The following NFIC variants were observed in gnomAD, a reference collection of about 807,000 sequenced individuals.
NFIC encodes the protein nuclear factor 1 C-type.
A neutral mutation model predicts 54.4 loss-of-function variants in NFIC; 12 were observed. The observed-to-expected ratio is 0.22, with a 90% CI of 0.14 to 0.36. The LOEUF is 0.36. Ranked by LOEUF, NFIC falls within the 10% of genes least tolerant of loss-of-function variation. NFIC has a pLI of 1.00. For missense variants in NFIC, 575 were observed against 718.2 expected (o/e 0.80, Z 2.28); for synonymous variants, 322 against 319.2 (o/e 1.01, Z -0.09).
chr19:3,363,243 A>G (rs57555537), upstream of NFIC, among the ~76,000 whole-genome samples: 31,757 of 65,618 alleles, frequency 0.48, 7,070 homozygotes, highest in African/African-American at 0.55. Flanking sequence ...ATGTGTGTGT[A>G]TATATATATA....
Position 3,464,193 on chromosome 19 carries a change from GC to G in NFIC, c.*1425del, listed in dbSNP as rs1474809306. 3.0e-6 allele frequency: 3 copies of G among 985,380 alleles called. No individual in the cohort carries two copies. The highest frequency in any genetic ancestry group is 5.2e-4 in the Middle Eastern group (1 of 1,914). The allele number at this position is 985,380 out of a possible 1,614,324, so 61.0% of individuals were successfully genotyped here. A position where few individuals can be genotyped will look rare whatever the true frequency, so the allele number is the denominator to read the frequency against. On this transcript the variant is annotated 3_prime_UTR_variant, in exon 11 of 11. Transcript: ENST00000443272. ...ATCGCCTACCCCGACGCGGGGCCCA[GC>G]TGCGGGACGTGCATCACGGCTGGGC...
chr19:3,463,575 G>T lies in NFIC; in HGVS notation c.*806G>T. The T allele has an allele frequency of 1.0e-6, 1 of 984,110 alleles. No homozygotes were observed. Among genetic ancestry groups the T allele is most frequent in the Non-Finnish European group, 1.2e-6 (1 of 829,502 alleles). The allele number at this position is 984,110 out of a possible 1,614,324, so 61.0% of individuals were successfully genotyped here. On this transcript the variant is annotated 3_prime_UTR_variant, in exon 11 of 11. Coordinates refer to ENST00000443272, the MANE Select transcript of NFIC (RefSeq NM_001245002.2). Reference sequence around the variant, plus strand: ...CTCGCTGGGGACTCTTTCAGCCCTCGCGCCCGCCCGTTTGGGAGGAGAAGT... The same window carrying T: ...CTCGCTGGGGACTCTTTCAGCCCTCTCGCCCGCCCGTTTGGGAGGAGAAGT...
Position 3,464,580 on chromosome 19 carries a change from C to T in NFIC, c.*1811C>T. On this transcript the variant is annotated 3_prime_UTR_variant, in exon 11 of 11. Transcript: ENST00000443272. Reference sequence around the variant, plus strand: ...CATGCCTAGGGAAAAACTCCCCCCACCACTGCCCCCTCCCCCGACCCAGGC... The same window carrying T: ...CATGCCTAGGGAAAAACTCCCCCCATCACTGCCCCCTCCCCCGACCCAGGC... The T allele has an allele frequency of 1.0e-6, 1 of 963,758 alleles. No homozygotes were observed. Among genetic ancestry groups the T allele is most frequent in the Non-Finnish European group, 1.2e-6 (1 of 811,458 alleles). 59.7% of individuals were successfully genotyped at this position (963,758 alleles called of 1,614,324 possible).
At position 3,452,101 on chromosome 19, in the gene NFIC, C is replaced by CA. The variant is rs777727186; in HGVS notation, c.1085-359dup. ...TGCACTCCAGCCTGGGTGACTGTCT[C>CA]AAAAAAAAAAAAAAAAAAAAAAGAC... On this transcript the variant is annotated intron_variant, in intron 7 of 10. Transcript: ENST00000443272. This position sits in a 1 kb window ranked among gnomAD's most constrained non-coding sequence, Gnocchi z 5.3. 0.056 allele frequency among the ~76,000 whole-genome samples: 3,050 copies of CA among 54,128 alleles called. 64 individuals are homozygous for CA. Among genetic ancestry groups the CA allele is most frequent in the Middle Eastern group, 0.12 (12 of 104 alleles). 35.5% of individuals were successfully genotyped at this position (54,128 alleles called of 152,430 possible).
At chr19:3,438,728 C>T (rs2082246207) in intron 6 of NFIC, among the ~76,000 whole-genome samples, 1 of 151,936 alleles carries the variant, frequency 6.6e-6, no homozygotes, top group Non-Finnish European at 1.5e-5. Context: ...TGAGCCACCG[C>T]ACCCGGCCTC....
intron 2 of NFIC, among the ~76,000 whole-genome samples, chr19:3,388,501 C>A (rs1445007250): frequency 6.6e-6 from 1 of 152,118 alleles, no homozygotes; most frequent in African/African-American, 2.4e-5. Flanking sequence ...AGGGGCAGAG[C>A]CGGAATGAGA....
chr19:3,446,543 G>C (rs1318895203), intron 6 of NFIC, among the ~76,000 whole-genome samples: 1 of 152,220 alleles, frequency 6.6e-6, no homozygotes, highest in Non-Finnish European at 1.5e-5. Flanking sequence ...GGGCCAGGTC[G>C]AAGGGAAGCT....
upstream of NFIC, chr19:3,366,534 CGGG>C (rs1212543628): frequency 1.4e-5 from 5 of 361,240 alleles, no homozygotes; most frequent in Non-Finnish European, 4.2e-6. Context: ...GGCCGCGGGG[CGGG>C]GGGGGGGGTT....
At chr19:3,416,786 G>A (rs1329620940) in intron 2 of NFIC, among the ~76,000 whole-genome samples, 1 of 151,080 alleles carries the variant, frequency 6.6e-6, no homozygotes, top group East Asian at 2.0e-4. Context: ...GCCTCCCAAA[G>A]CACTGGGATT....
intron 2 of NFIC, among the ~76,000 whole-genome samples, chr19:3,399,026 C>G (rs1409939557): frequency 6.6e-6 from 1 of 152,228 alleles, no homozygotes; most frequent in Non-Finnish European, 1.5e-5. Context: ...ACGCCCAGTG[C>G]TTGGGCAGAG....
chr19:3,367,213 G>A (rs1011237962), intron 1 of NFIC, among the ~76,000 whole-genome samples: 4 of 152,192 alleles, frequency 2.6e-5, no homozygotes, highest in African/African-American at 9.6e-5. Context: ...CCTCGTTATT[G>A]GCCCACGTGT....
Position 3,431,701 on chromosome 19 carries a change from G to A in NFIC, c.635-1817G>A, listed in dbSNP as rs917635508. On this transcript the variant is annotated intron_variant, in intron 3 of 10. Coordinates refer to ENST00000443272, the MANE Select transcript of NFIC (RefSeq NM_001245002.2). ...GTATTTTTTGTAGACACAGGGTTTC[G>A]CCATGTTGCCCGGGCTGATCTCAAA... Among the ~76,000 whole-genome samples the A allele has an allele frequency of 5.3e-5, 8 of 151,840 alleles. No individual in the cohort carries two copies. In the South Asian group the frequency reaches 1.5e-3, roughly 28 times the overall value.
chr19:3,394,514 T>TCCCCCC (rs199958298), intron 2 of NFIC, among the ~76,000 whole-genome samples: 82 of 25,210 alleles, frequency 3.3e-3, no homozygotes, highest in Middle Eastern at 0.015. Flanking sequence ...TATGATCTTT[T>TCCCCCC]CCCCACCCAC....
rs922542933 is a variant in NFIC at position 3,458,986 on chromosome 19, C to T, written c.1509+2351C>T. Among the ~76,000 whole-genome samples, 1 of 151,992 alleles carries T rather than the reference C, an allele frequency of 6.6e-6. No homozygotes were observed. The highest frequency in any genetic ancestry group is 6.5e-5 in the Admixed American group (1 of 15,276). On this transcript the variant is annotated intron_variant, in intron 10 of 10. Transcript: ENST00000443272. The surrounding 1 kb of genome is among the most constrained non-coding windows in gnomAD (Gnocchi z 4.1). The stretch of plus-strand genomic sequence containing the variant: ...GGACTAAGAGCACCTGGGTTGAGGC[C>T]GGGCGCCGCCACCTCCCTGCAGACC...
intron 2 of NFIC, among the ~76,000 whole-genome samples, chr19:3,383,663 C>T (rs917506772): frequency 1.4e-4 from 21 of 152,300 alleles, no homozygotes; most frequent in African/African-American, 4.8e-4. Context: ...CCATCCAGGC[C>T]GTGTCTGGAG....
At position 3,463,158 on chromosome 19, in the gene NFIC, C is replaced by T; in HGVS notation, c.*389C>T. 1 of 1,082,334 alleles carries T rather than the reference C, an allele frequency of 9.2e-7. No individual in the cohort carries two copies. The highest frequency in any genetic ancestry group is 1.1e-6 in the Non-Finnish European group (1 of 891,794). 67.0% of individuals were successfully genotyped at this position (1,082,334 alleles called of 1,614,324 possible). ...GCTGCTCGGGAAGGACAGACGCCGG[C>T]CGCCCGCCCGCGCCCCGGAGGCCCT... is the stretch of plus-strand genomic sequence containing the variant. On this transcript the variant is annotated 3_prime_UTR_variant, in exon 11 of 11. Coordinates refer to ENST00000443272, the MANE Select transcript of NFIC (RefSeq NM_001245002.2).
intron 2 of NFIC, among the ~76,000 whole-genome samples, chr19:3,413,626 A>C (rs1157158818): frequency 6.6e-6 from 1 of 151,926 alleles, no homozygotes; most frequent in Non-Finnish European, 1.5e-5. Context: ...AGTCAAAGGA[A>C]TTACTCACTG....
chr19:3,429,818 C>A (rs774448820), intron 3 of NFIC, among the ~76,000 whole-genome samples: 1 of 152,200 alleles, frequency 6.6e-6, no homozygotes, highest in Admixed American at 6.5e-5. Flanking sequence ...CATTTCTACC[C>A]GGAGGCCTTT....
chr19:3,429,136 TACACAC>T (rs57006287), intron 3 of NFIC, among the ~76,000 whole-genome samples: 1,225 of 83,864 alleles, frequency 0.015, 26 homozygotes, highest in Middle Eastern at 0.021. Flanking sequence ...AAAAAAAATA[TACACAC>T]ACACACACAC....
Sources: gnomAD v4.1 joint callset for allele counts (sites outside exome capture counted in the v4.1 genomes callset) on GRCh38, gnomAD v4.1.1 for gene constraint, Gnocchi (gnomAD v3.1) non-coding constraint, MANE v1.5 for transcripts, NCBI Gene and HGNC (gene_info 2026-07-23, HGNC 2026-07-21) for gene names.